Variants in NCKAP5 observed in about 807,000 individuals in gnomAD.
NCKAP5 encodes the protein NCK associated protein 5.
A neutral mutation model predicts 167.0 loss-of-function variants in NCKAP5; 92 were observed. The ratio of observed to expected loss-of-function variants is 0.55; its 90% CI spans 0.47 to 0.66. NCKAP5 has a LOEUF of 0.66. NCKAP5 is among the 30% of genes least tolerant of loss of function. NCKAP5 has a pLI of 0.00. For synonymous variants in NCKAP5, 891 were observed against 877.4 expected, an observed-to-expected ratio of 1.02 and a Z score of -0.27; for missense variants, 2,378 against 2,315.0, an observed-to-expected ratio of 1.03 and a Z score of -0.56.
At chr2:133,638,276 A>G in the NCKAP5 span, among the ~76,000 whole-genome samples, 26 of 152,354 alleles carry the variant, frequency 1.7e-4, no homozygotes, top group African/African-American at 5.8e-4. Context: ...AAGCAATATG[A>G]CAGTGCTAAA....
intron 11 of NCKAP5, among the ~76,000 whole-genome samples, chr2:132,825,662 C>T (rs1267477690): frequency 6.6e-6 from 1 of 152,216 alleles, no homozygotes; most frequent in African/African-American, 2.4e-5. Flanking sequence ...GATTGCTTGA[C>T]TAGTGATTTC....
chr2:133,425,156 C>G (rs61149689), intron 3 of NCKAP5, among the ~76,000 whole-genome samples: 1 of 152,212 alleles, frequency 6.6e-6, no homozygotes, highest in African/African-American at 2.4e-5. Flanking sequence ...CTGTTCCAAA[C>G]ATCTCCCTGG....
At chr2:133,487,557 T>C (rs1575046274) in intron 3 of NCKAP5, among the ~76,000 whole-genome samples, 1 of 152,266 alleles carries the variant, frequency 6.6e-6, no homozygotes. Context: ...TCTAAAAATG[T>C]CACATTGTAT....
At chr2:132,912,880 C>A (rs949599766) in intron 8 of NCKAP5, among the ~76,000 whole-genome samples, 4 of 152,156 alleles carry the variant, frequency 2.6e-5, no homozygotes, top group Non-Finnish European at 5.9e-5. Flanking sequence ...CATCCCTCCT[C>A]ATCTGTGCTT....
chr2:133,373,704 A>G (rs1346852799), intron 3 of NCKAP5, among the ~76,000 whole-genome samples: 1 of 152,242 alleles, frequency 6.6e-6, no homozygotes, highest in Non-Finnish European at 1.5e-5. Flanking sequence ...GGTACTGGCG[A>G]AAGAATAGAC....
chr2:133,469,263 C>G, intron 3 of NCKAP5, among the ~76,000 whole-genome samples: 1 of 151,826 alleles, frequency 6.6e-6, no homozygotes, highest in East Asian at 1.9e-4. Context: ...TTCTCCTTTG[C>G]TTATGAAGCT....
At chr2:133,108,000 G>C (rs1341492370) in intron 6 of NCKAP5, among the ~76,000 whole-genome samples, 11 of 152,218 alleles carry the variant, frequency 7.2e-5, no homozygotes, top group Non-Finnish European at 1.3e-4. Flanking sequence ...ATTACTTACA[G>C]CCTAAATCCC....
intron 3 of NCKAP5, among the ~76,000 whole-genome samples, chr2:133,328,075 G>A (rs1265120009): frequency 2.6e-5 from 4 of 152,084 alleles, no homozygotes; most frequent in African/African-American, 9.7e-5. Flanking sequence ...CTCTACCAAC[G>A]TTGGGCCCCA....
intron 6 of NCKAP5, among the ~76,000 whole-genome samples, chr2:133,089,342 A>G (rs1009540033): frequency 8.5e-5 from 13 of 152,230 alleles, no homozygotes; most frequent in Middle Eastern, 3.2e-3. Context: ...ATAAGTTTCA[A>G]TGAGGTCTAT....
At chr2:132,802,447 C>T (rs1685116684) in intron 11 of NCKAP5, among the ~76,000 whole-genome samples, 1 of 152,214 alleles carries the variant, frequency 6.6e-6, no homozygotes, top group African/African-American at 2.4e-5. Flanking sequence ...TTTCTGCTCC[C>T]TCAACTCTGT....
At chr2:132,699,317 C>T (rs1480306600) in intron 19 of NCKAP5, among the ~76,000 whole-genome samples, 8 of 152,110 alleles carry the variant, frequency 5.3e-5, no homozygotes, top group Non-Finnish European at 1.0e-4. Context: ...GACTATAGCT[C>T]TTTTGACATG....
chr2:133,335,858 A>T (rs541568570), intron 3 of NCKAP5, among the ~76,000 whole-genome samples: 1 of 152,306 alleles, frequency 6.6e-6, no homozygotes, highest in East Asian at 1.9e-4. Flanking sequence ...TGCTAATCAG[A>T]GTGTGAAAAT....
At chr2:133,575,574 T>C in the NCKAP5 span, among the ~76,000 whole-genome samples, 1 of 152,236 alleles carries the variant, frequency 6.6e-6, no homozygotes, top group East Asian at 1.9e-4. Context: ...CTTCTTATTT[T>C]ATAAGAAGAG....
At chr2:133,232,417 A>G (rs2087195431) in intron 4 of NCKAP5, among the ~76,000 whole-genome samples, 1 of 152,224 alleles carries the variant, frequency 6.6e-6, no homozygotes, top group African/African-American at 2.4e-5. Context: ...GCCATTGAAA[A>G]GAAAAAGAAA....
intron 3 of NCKAP5, among the ~76,000 whole-genome samples, chr2:133,307,763 C>A (rs1311493209): frequency 8.6e-5 from 13 of 151,956 alleles, no homozygotes; most frequent in Non-Finnish European, 1.3e-4. Flanking sequence ...TGTGTATAAC[C>A]AAAAGGTGTC....
At chr2:132,889,047 G>T (rs189683716) in intron 8 of NCKAP5, among the ~76,000 whole-genome samples, 1 of 152,270 alleles carries the variant, frequency 6.6e-6, no homozygotes, top group East Asian at 1.9e-4. Flanking sequence ...CATGTAGGCA[G>T]TCTGAATGTT....
chr2:133,501,165 T>C (rs59937852), intron 3 of NCKAP5, among the ~76,000 whole-genome samples: 9,950 of 152,192 alleles, frequency 0.065, 366 homozygotes, highest in South Asian at 0.16. Flanking sequence ...CTCAGCCAAT[T>C]AGTGACAAAC....
At position 132,782,564 on chromosome 2, in the gene NCKAP5, G is replaced by T; in HGVS notation, c.4247C>A (p.Pro1416His). Residue 1416 changes from proline (P) to histidine (H), a missense_variant, in exon 14 of 20, where the codon CCC becomes CAC. Coordinates refer to ENST00000409261, the MANE Select transcript of NCKAP5 (RefSeq NM_207363.3). ...GGCTTCAGGGCAGTCTGTTGGGGTG[G>T]GTGGGCAACTGCGGCGGTCACTGCC... ...EPGSDRRSCP[P>H]TPTDCPEALQ... The T allele has an allele frequency of 6.3e-7, 1 of 1,584,950 alleles. No homozygotes were observed. The highest frequency in any genetic ancestry group is 8.6e-7 in the Non-Finnish European group (1 of 1,165,502).
At chr2:133,452,527 T>C (rs1180621890) in intron 3 of NCKAP5, among the ~76,000 whole-genome samples, 2 of 152,218 alleles carry the variant, frequency 1.3e-5, no homozygotes, top group Non-Finnish European at 2.9e-5. Flanking sequence ...ACTATGCTTC[T>C]AAGTGGCATA....
Sources: allele counts gnomAD v4.1 joint callset (sites outside exome capture counted in the v4.1 genomes callset), GRCh38; gene constraint gnomAD v4.1.1; transcripts MANE v1.5; gene names NCBI Gene and HGNC (gene_info 2026-07-23, HGNC 2026-07-21).